PPM1L: variants seen among roughly 807,000 people sequenced by gnomAD.
The protein encoded by PPM1L is protein phosphatase 1L.
Under a neutral mutation model 31.4 loss-of-function variants are expected in PPM1L, and 13 were observed. The ratio of observed to expected loss-of-function variants is 0.41; its 90% CI spans 0.27 to 0.66. The LOEUF (loss-of-function observed/expected upper bound fraction) is 0.66, where lower values mean the gene tolerates loss of function less well. Ranked by LOEUF, PPM1L falls within the 30% of genes least tolerant of loss-of-function variation. PPM1L has a pLI of 0.29. For missense variants in PPM1L, 326 were observed against 453.7 expected, an observed-to-expected ratio of 0.72 and a Z score of 2.56; for synonymous variants, 184 against 175.4, an observed-to-expected ratio of 1.05 and a Z score of -0.39.
chr3:160,857,666 C>T (rs1424301352), intron 1 of PPM1L, among the ~76,000 whole-genome samples: 1 of 152,100 alleles, frequency 6.6e-6, no homozygotes, highest in Admixed American at 6.6e-5. Flanking sequence ...TATAGAAATG[C>T]AAGGCATGGT....
intron 1 of PPM1L, among the ~76,000 whole-genome samples, chr3:160,763,529 A>G (rs1252406248): frequency 6.6e-6 from 1 of 152,218 alleles, no homozygotes; most frequent in Non-Finnish European, 1.5e-5. Flanking sequence ...CCAGCATGCT[A>G]GGTCCCCCTG....
chr3:160,796,211 C>T (rs1319919289), intron 1 of PPM1L, among the ~76,000 whole-genome samples: 4 of 152,298 alleles, frequency 2.6e-5, no homozygotes, highest in East Asian at 1.9e-4. Flanking sequence ...GGAAAGCATG[C>T]GAGCATGTCT....
In PPM1L at chr3:160,756,371, GAGA is replaced by G. The variant is rs758793889; in HGVS notation, c.64_66del (p.Arg22del). The stretch of plus-strand genomic sequence containing the variant: ...GTCGCATCATGCGCTACTTCTTGCT[GAGA>G]CCCGAGACGCTTTTCCTGCTGTGCA... On this transcript the variant is annotated inframe_deletion, in exon 1 of 4. Coordinates refer to ENST00000498165, the MANE Select transcript of PPM1L (RefSeq NM_139245.4). The surrounding 1 kb of genome is among the most constrained non-coding windows in gnomAD (Gnocchi z 6.2). The G allele has an allele frequency of 6.2e-7, 1 of 1,614,246 alleles. No individual in the cohort carries two copies. The highest frequency in any genetic ancestry group is 1.7e-5 in the Admixed American group (1 of 60,030).
intron 1 of PPM1L, among the ~76,000 whole-genome samples, chr3:160,827,034 C>A (rs376579765): frequency 6.6e-6 from 1 of 152,130 alleles, no homozygotes; most frequent in Non-Finnish European, 1.5e-5. Flanking sequence ...GATTTGTGTG[C>A]GACAAAATGT....
At chr3:161,013,681 G>A (rs1048268519) in intron 2 of PPM1L, among the ~76,000 whole-genome samples, 3 of 152,242 alleles carry the variant, frequency 2.0e-5, no homozygotes, top group South Asian at 2.1e-4. Context: ...AGGTCTCTAA[G>A]GACTTGCTTT....
chr3:160,875,348 T>A (rs1712469161), intron 1 of PPM1L, among the ~76,000 whole-genome samples: 1 of 152,248 alleles, frequency 6.6e-6, no homozygotes, highest in Non-Finnish European at 1.5e-5. Flanking sequence ...CAAGGCTATC[T>A]TCCATATCAA....
At chr3:160,985,890 T>A (rs1716946682) in intron 2 of PPM1L, among the ~76,000 whole-genome samples, 1 of 152,070 alleles carries the variant, frequency 6.6e-6, no homozygotes, top group Non-Finnish European at 1.5e-5. Flanking sequence ...CAGATAAATA[T>A]TCTCCAGGGA....
intron 1 of PPM1L, among the ~76,000 whole-genome samples, chr3:160,894,833 A>G (rs953817249): frequency 6.6e-6 from 1 of 152,220 alleles, no homozygotes; most frequent in African/African-American, 2.4e-5. Context: ...ATAATCAAAC[A>G]TCATGATTAA....
At chr3:161,046,232 C>T (rs1719063034) in intron 2 of PPM1L, among the ~76,000 whole-genome samples, 1 of 149,210 alleles carries the variant, frequency 6.7e-6, no homozygotes, top group Non-Finnish European at 1.5e-5. Context: ...AGCAAATAGA[C>T]ACAATAAAAA....
intron 1 of PPM1L, among the ~76,000 whole-genome samples, chr3:160,762,004 C>T (rs1003687837): frequency 6.6e-6 from 1 of 152,208 alleles, no homozygotes; most frequent in Non-Finnish European, 1.5e-5. Flanking sequence ...GGTGGGGACA[C>T]AGCCAAACCA....
chr3:160,903,214 G>T lies in PPM1L; in HGVS notation c.400-58522G>T, dbSNP rs1450436941. Among the ~76,000 whole-genome samples the T allele has an allele frequency of 5.5e-4, 73 of 132,848 alleles. 1 individual carries two copies. Among genetic ancestry groups the T allele is most frequent in the Non-Finnish European group, 7.6e-4 (48 of 63,240 alleles). 87.2% of individuals were successfully genotyped at this position (132,848 alleles called of 152,430 possible). ...GTGTGGTATGTGTGTATGTTTGTGTGTGTGTGTGTGTGTGTGTGTGTGTGT... is the reference window on the plus strand; with the variant it reads ...GTGTGGTATGTGTGTATGTTTGTGTTTGTGTGTGTGTGTGTGTGTGTGTGT... On this transcript the variant is annotated intron_variant, in intron 1 of 3. Coordinates refer to ENST00000498165, the MANE Select transcript of PPM1L (RefSeq NM_139245.4).
intron 1 of PPM1L, among the ~76,000 whole-genome samples, chr3:160,853,267 G>A (rs1030591313): frequency 1.3e-5 from 2 of 152,124 alleles, no homozygotes; most frequent in African/African-American, 2.4e-5. Context: ...GGACATATAC[G>A]TAATTGTTTT....
chr3:160,842,914 A>G (rs914523999), intron 1 of PPM1L, among the ~76,000 whole-genome samples: 2 of 152,184 alleles, frequency 1.3e-5, no homozygotes, highest in Admixed American at 1.3e-4. Flanking sequence ...AGCTAAATGT[A>G]TATGTATTTT....
At chr3:161,053,869 C>T (rs1200321287) in intron 2 of PPM1L, among the ~76,000 whole-genome samples, 1 of 152,144 alleles carries the variant, frequency 6.6e-6, no homozygotes, top group Non-Finnish European at 1.5e-5. Context: ...AAGTTGACTG[C>T]CTCATATTCA....
intron 1 of PPM1L, among the ~76,000 whole-genome samples, chr3:160,768,447 A>G (rs1322443090): frequency 6.6e-6 from 1 of 152,172 alleles, no homozygotes; most frequent in Admixed American, 6.5e-5. Flanking sequence ...CCATTTTAAA[A>G]CTGGTAAAAC....
chr3:160,970,749 C>T (rs571747990), intron 2 of PPM1L, among the ~76,000 whole-genome samples: 4 of 150,258 alleles, frequency 2.7e-5, no homozygotes, highest in African/African-American at 9.8e-5. Context: ...TGTGCTATTG[C>T]ACCTGGCCTA....
chr3:160,827,814 A>G (rs1713402358), intron 1 of PPM1L, among the ~76,000 whole-genome samples: 1 of 152,074 alleles, frequency 6.6e-6, no homozygotes, highest in South Asian at 2.1e-4. Context: ...TTATAAAGAA[A>G]GAGGTTTAAT....
At chr3:161,043,040 ATTTTTTTT>A (rs1250328752) in intron 2 of PPM1L, among the ~76,000 whole-genome samples, 3 of 104,128 alleles carry the variant, frequency 2.9e-5, no homozygotes, top group African/African-American at 4.0e-5. Flanking sequence ...AAAAATTGTT[ATTTTTTTT>A]TTTTTTCAAA....
At chr3:161,034,911 AGAATGAGTTCATG>A (rs1256871472) in intron 2 of PPM1L, among the ~76,000 whole-genome samples, 3 of 152,072 alleles carry the variant, frequency 2.0e-5, no homozygotes, top group Non-Finnish European at 4.4e-5. Flanking sequence ...GCCATAAAAA[AGAATGAGTTCATG>A]TCCTTTGCAG....
Sources: allele counts gnomAD v4.1 joint callset (sites outside exome capture counted in the v4.1 genomes callset), GRCh38; gene constraint gnomAD v4.1.1; non-coding constraint Gnocchi (gnomAD v3.1); transcripts MANE v1.5; gene names NCBI Gene and HGNC (gene_info 2026-07-23, HGNC 2026-07-21).